Variants in TFCP2L1 observed in about 807,000 individuals in gnomAD.
TFCP2L1 encodes the protein transcription factor CP2 like 1.
A neutral mutation model predicts 72.2 loss-of-function variants in TFCP2L1; 12 were observed. The ratio of observed to expected loss-of-function variants is 0.17; its 90% CI spans 0.11 to 0.27. The LOEUF is 0.27. Among genes scored for constraint, TFCP2L1 ranks in the 10% least tolerant of loss-of-function variants. TFCP2L1 has a pLI of 1.00. For synonymous variants in TFCP2L1, 260 were observed against 251.0 expected, an observed-to-expected ratio of 1.04 and a Z score of -0.34; for missense variants, 488 against 624.6, an observed-to-expected ratio of 0.78 and a Z score of 2.33.
At chr2:121,261,187 C>A (rs17006292) in intron 2 of TFCP2L1, among the ~76,000 whole-genome samples, 4,243 of 152,290 alleles carry the variant, frequency 0.028, 143 homozygotes, top group African/African-American at 0.084. Flanking sequence ...GCCTGATGGA[C>A]TATCACCTGC....
rs1397451566 is a variant in TFCP2L1 at position 121,246,860 on chromosome 2, C to T, written c.615G>A (p.Thr205=). The T allele has an allele frequency of 5.6e-6, 9 of 1,614,160 alleles. No homozygotes were observed. Among genetic ancestry groups the T allele is most frequent in the Non-Finnish European group, 6.8e-6 (8 of 1,180,024 alleles). Residue 205 remains threonine (T), a synonymous_variant, in exon 6 of 15, where the codon ACG becomes ACA. Coordinates refer to ENST00000263707, the MANE Select transcript of TFCP2L1 (RefSeq NM_014553.3). ...TFKQNENGEY[T]EHLHSASCQI... Reference sequence around the variant, plus strand: ...GGCAGCTGGCTGAGTGCAGGTGCTCCGTGTACTCCCCATTCTCGTTCTGCT... The same window carrying T: ...GGCAGCTGGCTGAGTGCAGGTGCTCTGTGTACTCCCCATTCTCGTTCTGCT...
chr2:121,234,835 T>C lies in TFCP2L1; in HGVS notation c.1094+386A>G, dbSNP rs538208639. 2.0e-5 allele frequency among the ~76,000 whole-genome samples: 3 copies of C among 152,330 alleles called. No homozygotes were observed. In the South Asian group the frequency reaches 6.2e-4, roughly 32 times the overall value. On this transcript the variant is annotated intron_variant, in intron 11 of 14. Transcript: ENST00000263707. The stretch of plus-strand genomic sequence containing the variant: ...TGGAGTCTCCCCTGAAACTGCTGCA[T>C]GATACCATCTGACCAGCCCCAAGTC...
At chr2:121,276,727 G>A (rs1687155605) in intron 2 of TFCP2L1, among the ~76,000 whole-genome samples, 1 of 151,666 alleles carries the variant, frequency 6.6e-6, no homozygotes, top group African/African-American at 2.4e-5. Flanking sequence ...GCAATAACTA[G>A]AAAATAAACA....
At chr2:121,268,738 T>C (rs1406309297) in intron 2 of TFCP2L1, among the ~76,000 whole-genome samples, 1 of 151,094 alleles carries the variant, frequency 6.6e-6, no homozygotes, top group Non-Finnish European at 1.5e-5. Flanking sequence ...CACTCAGTTG[T>C]TAGGAAAGGC....
chr2:121,229,641 C>A (rs1686100368), intron 13 of TFCP2L1, among the ~76,000 whole-genome samples: 1 of 152,254 alleles, frequency 6.6e-6, no homozygotes, highest in African/African-American at 2.4e-5. Context: ...AAGTGCCCTG[C>A]AGAATCACAG....
intron 2 of TFCP2L1, among the ~76,000 whole-genome samples, chr2:121,277,812 T>C (rs541823016): frequency 2.6e-5 from 4 of 152,318 alleles, no homozygotes; most frequent in African/African-American, 9.6e-5. Flanking sequence ...CAGAAAGATA[T>C]ATATACAAAC....
At chr2:121,240,811 T>A (rs1573367621) in intron 7 of TFCP2L1, 1 of 895,586 alleles carries the variant, frequency 1.1e-6, no homozygotes, top group Non-Finnish European at 1.3e-6. Context: ...AGTGCTTGCA[T>A]CCTGCCACTC....
rs909916897 is a variant in TFCP2L1 at position 121,284,629 on chromosome 2, G to C, written c.62+419C>G. On this transcript the variant is annotated intron_variant, in intron 1 of 14. Transcript: ENST00000263707. ...TGGGAGAGGGGCCCCGGCGGAGACGGGCAAAGAGCAGGGGACGAACTTCCC... is the reference window on the plus strand; with the variant it reads ...TGGGAGAGGGGCCCCGGCGGAGACGCGCAAAGAGCAGGGGACGAACTTCCC... Among the ~76,000 whole-genome samples, 14 of 152,344 alleles carry C rather than the reference G, an allele frequency of 9.2e-5. No individual in the cohort carries two copies. In the East Asian group the frequency reaches 2.7e-3, roughly 29 times the overall value.
At chr2:121,275,568 C>CTTT (rs931104631) in intron 2 of TFCP2L1, among the ~76,000 whole-genome samples, 19 of 121,752 alleles carry the variant, frequency 1.6e-4, no homozygotes, top group East Asian at 2.6e-4. Flanking sequence ...AGAAGTAAGT[C>CTTT]TTTTTTTTTT....
At chr2:121,246,369 T>C (rs1051829708) in intron 6 of TFCP2L1, among the ~76,000 whole-genome samples, 2 of 152,092 alleles carry the variant, frequency 1.3e-5, no homozygotes, top group African/African-American at 4.8e-5. Flanking sequence ...AAGAGAAAAA[T>C]GGCTTCAAGC....
At chr2:121,235,996 T>C (rs547701896) in intron 10 of TFCP2L1, among the ~76,000 whole-genome samples, 108 of 152,312 alleles carry the variant, frequency 7.1e-4, no homozygotes, top group African/African-American at 2.5e-3. Context: ...CTGAAGTTTC[T>C]GTACATGGAA....
At chr2:121,268,793 A>G (rs1053033017) in intron 2 of TFCP2L1, among the ~76,000 whole-genome samples, 6 of 149,762 alleles carry the variant, frequency 4.0e-5, no homozygotes, top group African/African-American at 1.5e-4. Context: ...GAATGAGGGA[A>G]AGGTGTTTAC....
At chr2:121,248,929 T>C (rs1686545315) in intron 4 of TFCP2L1, 53 bp downstream of exon 4, 2 of 1,410,894 alleles carry the variant, frequency 1.4e-6, no homozygotes, top group East Asian at 2.6e-5. Context: ...AAGAACCCAA[T>C]GTGGCCTGGG....
intron 6 of TFCP2L1, among the ~76,000 whole-genome samples, chr2:121,243,784 T>C (rs565277988): frequency 3.9e-5 from 6 of 152,078 alleles, no homozygotes; most frequent in South Asian, 2.1e-4. Context: ...AGGGCTCCCA[T>C]TGACTCTGCA....
chr2:121,237,958 G>C, intron 8 of TFCP2L1, 108 bp from the exon 9 acceptor site: 2 of 1,202,058 alleles, frequency 1.7e-6, no homozygotes, highest in Non-Finnish European at 2.4e-6. Flanking sequence ...TGCAGGATTT[G>C]TTCTAAGTGA....
At chr2:121,254,119 G>T (rs72963308) in intron 2 of TFCP2L1, among the ~76,000 whole-genome samples, 1 of 152,186 alleles carries the variant, frequency 6.6e-6, no homozygotes, top group Non-Finnish European at 1.5e-5. Context: ...GGCGCGGGTC[G>T]TGTCTGTTCT....
intron 11 of TFCP2L1, among the ~76,000 whole-genome samples, chr2:121,234,536 C>G (rs1406101685): frequency 6.6e-6 from 1 of 152,220 alleles, no homozygotes. Context: ...GACTATCGCT[C>G]TCATTCCACA....
chr2:121,235,854 C>A (rs187749262), intron 10 of TFCP2L1, among the ~76,000 whole-genome samples: 1 of 152,104 alleles, frequency 6.6e-6, no homozygotes, highest in East Asian at 1.9e-4. Context: ...CACCCCAGGA[C>A]CCAGCACTCA....
chr2:121,228,049 C>T (rs4848149), intron 13 of TFCP2L1, among the ~76,000 whole-genome samples: 5,830 of 152,320 alleles, frequency 0.038, 253 homozygotes, highest in East Asian at 0.16. Context: ...GCCGGCTCCG[C>T]GGCTGGCCAG....
Sources: gnomAD v4.1 joint callset for allele counts (sites outside exome capture counted in the v4.1 genomes callset) on GRCh38, gnomAD v4.1.1 for gene constraint, MANE v1.5 for transcripts, NCBI Gene and HGNC (gene_info 2026-07-23, HGNC 2026-07-21) for gene names.